TRIM25: variants seen among roughly 807,000 people sequenced by gnomAD.
TRIM25 encodes the protein tripartite motif containing 25.
In TRIM25, 45 loss-of-function variants were observed where a neutral mutation model predicts 65.2. That is an observed-to-expected ratio of 0.69 (90% CI 0.54 to 0.89). The LOEUF (loss-of-function observed/expected upper bound fraction) is 0.89, where lower values mean the gene tolerates loss of function less well. TRIM25 is among the 40% of genes least tolerant of loss of function. TRIM25 has a pLI of 0.00. For missense variants in TRIM25, 714 were observed against 803.7 expected, an observed-to-expected ratio of 0.89 and a Z score of 1.35; for synonymous variants, 321 against 340.4, an observed-to-expected ratio of 0.94 and a Z score of 0.63.
In TRIM25 at chr17:56,913,802, G is replaced by C; in HGVS notation, c.187C>G (p.Leu63Val). Residue 63 changes from leucine (L) to valine (V), a missense_variant, in exon 1 of 9, where the codon CTG becomes GTG. This residue lies in a region of TRIM25 where 291 missense variants were observed against 281.8 expected (regional missense o/e 1.03). Transcript: ENST00000316881. The surrounding 1 kb of genome is among the most constrained non-coding windows in gnomAD (Gnocchi z 6.1). ...CRAVYQARPQ[L>V]HKNTVLCNVV... ...TTGCACAGCACCGTGTTCTTGTGCAGCTGCGGTCGCGCCTGGTAGACGGCG... is the reference window on the plus strand; with the variant it reads ...TTGCACAGCACCGTGTTCTTGTGCACCTGCGGTCGCGCCTGGTAGACGGCG... 1 of 1,558,980 alleles carries C rather than the reference G, an allele frequency of 6.4e-7. No individual in the cohort carries two copies. Among genetic ancestry groups the C allele is most frequent in the African/African-American group, 1.4e-5 (1 of 73,762 alleles).
chr17:56,895,957 A>T lies in TRIM25; in HGVS notation c.1154-5T>A. On this transcript the variant is annotated splice_region_variant and splice_polypyrimidine_tract_variant and intron_variant, in intron 5 of 8. Coordinates refer to ENST00000316881, the MANE Select transcript of TRIM25 (RefSeq NM_005082.5). ...TCTTGGATTTCTTTTCCTCTTCTGC[A>T]AAAGAAAGTTTTCAGATTTAATTTC... 1 of 1,611,806 alleles carries T rather than the reference A, an allele frequency of 6.2e-7. No homozygotes were observed. The highest frequency in any genetic ancestry group is 8.5e-7 in the Non-Finnish European group (1 of 1,179,360).
intron 3 of TRIM25, among the ~76,000 whole-genome samples, chr17:56,903,014 C>T (rs2144357392): frequency 6.6e-6 from 1 of 152,340 alleles, no homozygotes; most frequent in East Asian, 1.9e-4. Context: ...CTTCCTTCCT[C>T]ACCAAAGGCC....
rs765959534 is a variant in TRIM25, at chr17:56,913,849, G to A, written c.140C>T (p.Pro47Leu). The change falls in exon 1 of 9, where the codon CCA (proline) becomes CTA (leucine). Residue 47 changes from proline to leucine, a missense_variant. Physicochemically the swap from Pro to Leu is moderately conservative, Grantham distance 98. This residue lies in a region of TRIM25 where 291 missense variants were observed against 281.8 expected (regional missense o/e 1.03). Transcript: ENST00000316881. This position sits in a 1 kb window ranked among gnomAD's most constrained non-coding sequence, Gnocchi z 6.1. ...GGCGCGGCACTGCGGGCACAGGTAT[G>A]GCGAGCCCTGGACTGCCCACGTCTC... Reference protein sequence around the residue: ...LNETWAVQGSPYLCPQCRAVY... With the variant: ...LNETWAVQGSLYLCPQCRAVY... The A allele has an allele frequency of 6.4e-7, 1 of 1,560,598 alleles. No homozygotes were observed. Among genetic ancestry groups the A allele is most frequent in the Non-Finnish European group, 8.7e-7 (1 of 1,152,908 alleles).
chr17:56,895,093 A>G (rs547551443), intron 8 of TRIM25, among the ~76,000 whole-genome samples: 1 of 152,214 alleles, frequency 6.6e-6, no homozygotes, highest in African/African-American at 2.4e-5. Flanking sequence ...CCACAGAGAA[A>G]GGTGAGCTCA....
chr17:56,894,906 C>T (rs1010143055), intron 8 of TRIM25, among the ~76,000 whole-genome samples: 5 of 152,028 alleles, frequency 3.3e-5, no homozygotes, highest in African/African-American at 7.3e-5. Flanking sequence ...AGAAGGTGGG[C>T]GGGACAGGGA....
chr17:56,889,740 C>T lies in TRIM25; in HGVS notation c.*1960G>A, dbSNP rs1909128938. ...ATTTATCTCTGGCATTCTACTCCTC[C>T]AAGCCCAGCTGTTTCCCAAGTATTA... On this transcript the variant is annotated 3_prime_UTR_variant, in exon 9 of 9. Transcript: ENST00000316881. The T allele has an allele frequency of 2.5e-6, 1 of 398,660 alleles. No individual in the cohort carries two copies. Among genetic ancestry groups the T allele is most frequent in the Admixed American group, 4.4e-5 (1 of 22,740 alleles). 24.7% of individuals were successfully genotyped at this position (398,660 alleles called of 1,614,324 possible). A position where few individuals can be genotyped will look rare whatever the true frequency, so the allele number is the denominator to read the frequency against.
chr17:56,896,006 T>G, intron 5 of TRIM25, 54 bp from the exon 6 acceptor site: 1 of 1,548,544 alleles, frequency 6.5e-7, no homozygotes, highest in South Asian at 1.2e-5. Context: ...CACAATGACA[T>G]TTTCAAAATA....
chr17:56,911,460 G>A (rs1246056050), intron 1 of TRIM25, among the ~76,000 whole-genome samples: 1 of 151,874 alleles, frequency 6.6e-6, no homozygotes. Flanking sequence ...CAGGCCTGTA[G>A]TCCCAGCTGC....
At chr17:56,901,154 A>G (rs1909402869) in intron 4 of TRIM25, among the ~76,000 whole-genome samples, 1 of 152,230 alleles carries the variant, frequency 6.6e-6, no homozygotes, top group Non-Finnish European at 1.5e-5. Flanking sequence ...GTTGGCCTCA[A>G]GATCACAGGC....
chr17:56,894,458 C>T (rs1222156606), intron 8 of TRIM25, among the ~76,000 whole-genome samples: 1 of 152,164 alleles, frequency 6.6e-6, no homozygotes, highest in East Asian at 1.9e-4. Flanking sequence ...CCATGTTGGC[C>T]AGGCTGGTCT....
intron 8 of TRIM25, among the ~76,000 whole-genome samples, chr17:56,892,473 A>G (rs1909201500): frequency 1.3e-5 from 2 of 152,026 alleles, no homozygotes; most frequent in Admixed American, 1.3e-4. Flanking sequence ...ATGTATCCAT[A>G]TACCCATCTA....
chr17:56,890,599 T>G lies in TRIM25; in HGVS notation c.*1101A>C. The G allele has an allele frequency of 2.2e-6, 1 of 456,336 alleles. No homozygotes were observed. The highest frequency in any genetic ancestry group is 4.4e-6 in the Non-Finnish European group (1 of 226,924). 28.3% of individuals were successfully genotyped at this position (456,336 alleles called of 1,614,324 possible). A position where few individuals can be genotyped will look rare whatever the true frequency, so the allele number is the denominator to read the frequency against. On this transcript the variant is annotated 3_prime_UTR_variant, in exon 9 of 9. Transcript: ENST00000316881. ...CACCCCAGCAAGTGGCCTAGCATGGTCCGAGGCAGCCGCATAGCCTGTCTG... is the reference window on the plus strand; with the variant it reads ...CACCCCAGCAAGTGGCCTAGCATGGGCCGAGGCAGCCGCATAGCCTGTCTG...
intron 4 of TRIM25, among the ~76,000 whole-genome samples, chr17:56,899,828 C>T (rs1252979859): frequency 1.3e-5 from 2 of 152,196 alleles, no homozygotes; most frequent in Non-Finnish European, 2.9e-5. Flanking sequence ...GCCTGTAATC[C>T]CAATGATTTG....
rs368617710 is a variant in TRIM25, at chr17:56,899,197, G to A, written c.1088-17C>T. 5.6e-6 allele frequency: 9 copies of A among 1,614,140 alleles called. No homozygotes were observed. The highest frequency in any genetic ancestry group is 1.6e-4 in the Middle Eastern group (1 of 6,062). ...CAGGGTCACCTGTGTCAGAGAAGAA[G>A]GGCTCAGTGTGTGCGGCTCCTCTCA... On this transcript the variant is annotated splice_polypyrimidine_tract_variant and intron_variant, in intron 4 of 8. Transcript: ENST00000316881.
intron 5 of TRIM25, 68 bp downstream of exon 5, chr17:56,899,047 G>T: frequency 1.9e-6 from 3 of 1,580,122 alleles, no homozygotes; most frequent in South Asian, 2.2e-5. Context: ...GGCCGGAAGT[G>T]ACTTGGCCAG....
At chr17:56,911,074 G>A (rs545376466) in intron 1 of TRIM25, among the ~76,000 whole-genome samples, 1 of 152,136 alleles carries the variant, frequency 6.6e-6, no homozygotes, top group African/African-American at 2.4e-5. Flanking sequence ...AGACCAGCCT[G>A]GACAACATAG....
intron 4 of TRIM25, among the ~76,000 whole-genome samples, chr17:56,900,004 G>A (rs181594904): frequency 3.0e-4 from 45 of 152,198 alleles, no homozygotes; most frequent in Admixed American, 7.2e-4. Flanking sequence ...ACTTGAGGTC[G>A]AGAGTTCAAG....
Position 56,891,534 on chromosome 17 carries a change from C to T in TRIM25, c.*166G>A, listed in dbSNP as rs987948991. ...TCGCCCACAACACAATCACTCTCACCCCTTTCCTGGCTAAATCCCACCTCC... is the reference window on the plus strand; with the variant it reads ...TCGCCCACAACACAATCACTCTCACTCCTTTCCTGGCTAAATCCCACCTCC... On this transcript the variant is annotated 3_prime_UTR_variant, in exon 9 of 9. Coordinates refer to ENST00000316881, the MANE Select transcript of TRIM25 (RefSeq NM_005082.5). 1.1e-6 allele frequency: 1 copy of T among 884,294 alleles called. No individual in the cohort carries two copies. The highest frequency in any genetic ancestry group is 1.7e-5 in the African/African-American group (1 of 58,948). 54.8% of individuals were successfully genotyped at this position (884,294 alleles called of 1,614,324 possible). A position where few individuals can be genotyped will look rare whatever the true frequency, so the allele number is the denominator to read the frequency against.
Position 56,891,527 on chromosome 17 carries a change from C to T in TRIM25, c.*173G>A, listed in dbSNP as rs1209312915. 11 of 854,236 alleles carry T rather than the reference C, an allele frequency of 1.3e-5. No individual in the cohort carries two copies. Among genetic ancestry groups the T allele is most frequent in the Admixed American group, 5.9e-5 (2 of 34,174 alleles). 52.9% of individuals were successfully genotyped at this position (854,236 alleles called of 1,614,324 possible). ...CGCCTCCTCGCCCACAACACAATCA[C>T]TCTCACCCCTTTCCTGGCTAAATCC... On this transcript the variant is annotated 3_prime_UTR_variant, in exon 9 of 9. Coordinates refer to ENST00000316881, the MANE Select transcript of TRIM25 (RefSeq NM_005082.5).
Sources: gnomAD v4.1 joint callset for allele counts (sites outside exome capture counted in the v4.1 genomes callset) on GRCh38, gnomAD v4.1.1 for gene constraint, gnomAD v4.1.1 regional missense constraint, Gnocchi (gnomAD v3.1) non-coding constraint, MANE v1.5 for transcripts, NCBI Gene and HGNC (gene_info 2026-07-23, HGNC 2026-07-21) for gene names.